BDP1: variants seen among roughly 807,000 people sequenced by gnomAD.
BDP1 encodes BDP1 general transcription factor IIIB subunit.
A neutral mutation model predicts 266.6 loss-of-function variants in BDP1; 169 were observed. The ratio of observed to expected loss-of-function variants is 0.63; its 90% CI spans 0.56 to 0.72. The LOEUF is 0.72. Among genes scored for constraint, BDP1 ranks in the 30% least tolerant of loss-of-function variants. BDP1 has a pLI of 0.00. For synonymous variants in BDP1, 1,090 were observed against 1,022.4 expected, an observed-to-expected ratio of 1.07 and a Z score of -1.26; for missense variants, 3,015 against 3,053.8, an observed-to-expected ratio of 0.99 and a Z score of 0.30.
rs962675506 is a variant in BDP1 at position 71,523,864 on chromosome 5, C to T, written c.5388-75C>T. ...TTTAATGACTGGAACTGGAATTTCA[C>T]TCTAAAAGTTTGGTTTTCATTAAAA... On this transcript the variant is annotated intron_variant, in intron 24 of 38. Coordinates refer to ENST00000358731, the MANE Select transcript of BDP1 (RefSeq NM_018429.3). 5 of 1,393,714 alleles carry T rather than the reference C, an allele frequency of 3.6e-6. No individual in the cohort carries two copies. In the African/African-American group the frequency reaches 7.2e-5, roughly 20 times the overall value. The allele number at this position is 1,393,714 out of a possible 1,614,324, so 86.3% of individuals were successfully genotyped here.
chr5:71,485,487 A>G (rs868023237), intron 8 of BDP1, among the ~76,000 whole-genome samples: 34 of 152,198 alleles, frequency 2.2e-4, no homozygotes, highest in Middle Eastern at 3.2e-3. Context: ...CAACAGTGAA[A>G]TAGGGTCTTC....
At chr5:71,476,517 C>T (rs188301478) in intron 7 of BDP1, among the ~76,000 whole-genome samples, 12 of 149,274 alleles carry the variant, frequency 8.0e-5, no homozygotes, top group Non-Finnish European at 1.3e-4. Context: ...TCCATAGCCC[C>T]AAATAACATG....
chr5:71,535,598 A>AAAAAC (rs1350546758), intron 26 of BDP1, among the ~76,000 whole-genome samples: 2 of 152,200 alleles, frequency 1.3e-5, no homozygotes, highest in African/African-American at 2.4e-5. Context: ...TGGAGATGAG[A>AAAAAC]AAAACAAAAC....
chr5:71,463,948 A>G (rs1489013029), intron 3 of BDP1, 110 bp from the exon 4 acceptor site: 2 of 650,304 alleles, frequency 3.1e-6, no homozygotes, highest in East Asian at 5.8e-5. Context: ...AAATGCTGTG[A>G]TATATCATTA....
At chr5:71,496,852 G>C (rs1472166606) in intron 12 of BDP1, among the ~76,000 whole-genome samples, 1 of 152,144 alleles carries the variant, frequency 6.6e-6, no homozygotes, top group Non-Finnish European at 1.5e-5. Flanking sequence ...CAAAGTGCTG[G>C]GATTATAGGC....
chr5:71,460,515 A>G (rs1468188349), intron 2 of BDP1, among the ~76,000 whole-genome samples: 1 of 152,210 alleles, frequency 6.6e-6, no homozygotes, highest in Non-Finnish European at 1.5e-5. Context: ...TTGGTGCTTT[A>G]TATCTGTTAT....
chr5:71,463,115 A>T (rs1017094601), intron 3 of BDP1, among the ~76,000 whole-genome samples: 19 of 148,774 alleles, frequency 1.3e-4, no homozygotes, highest in Non-Finnish European at 2.2e-4. Context: ...TGTCTCATTT[A>T]AAAAAAAAAT....
At chr5:71,484,231 T>G (rs958558717) in intron 8 of BDP1, among the ~76,000 whole-genome samples, 5 of 152,126 alleles carry the variant, frequency 3.3e-5, no homozygotes, top group Admixed American at 1.3e-4. Flanking sequence ...ATTAGTTATA[T>G]AGATGGTTCT....
intron 3 of BDP1, among the ~76,000 whole-genome samples, 185 bp downstream of exon 3, chr5:71,462,111 C>T (rs909869633): frequency 2.6e-5 from 4 of 151,894 alleles, no homozygotes; most frequent in African/African-American, 9.7e-5. Context: ...TACAGATGCT[C>T]GCCACCACAC....
In BDP1 at chr5:71,525,728, C is replaced by T. The variant is rs186941065; in HGVS notation, c.5772+1405C>T. On this transcript the variant is annotated intron_variant, in intron 25 of 38. Transcript: ENST00000358731. ...CTTCCGGACGGGGCGGCTGGCCAGG[C>T]GGGGGGCTGACCCCCACCTCCCTCC... Among the ~76,000 whole-genome samples the T allele has an allele frequency of 4.9e-3, 689 of 139,702 alleles. 9 individuals carry two copies. The highest frequency in any genetic ancestry group is 0.017 in the African/African-American group (639 of 37,322). 91.6% of individuals were successfully genotyped at this position (139,702 alleles called of 152,430 possible).
intron 35 of BDP1, among the ~76,000 whole-genome samples, chr5:71,554,051 T>C (rs772673331): frequency 5.3e-5 from 8 of 152,232 alleles, no homozygotes; most frequent in Admixed American, 6.5e-5. Context: ...CTCATCATAA[T>C]TTGTAACTAC....
chr5:71,475,584 T>C (rs1024725923), intron 7 of BDP1, among the ~76,000 whole-genome samples: 2 of 152,236 alleles, frequency 1.3e-5, no homozygotes, highest in Admixed American at 1.3e-4. Flanking sequence ...TATCAGGCTG[T>C]ATTCACCCAG....
At chr5:71,525,396 C>T (rs1765751122) in intron 25 of BDP1, among the ~76,000 whole-genome samples, 3 of 124,050 alleles carry the variant, frequency 2.4e-5, no homozygotes, top group Admixed American at 7.8e-5. Flanking sequence ...GGGGGGCTGA[C>T]CCCCCCACCT....
At chr5:71,536,753 C>G (rs1766623451) in intron 26 of BDP1, among the ~76,000 whole-genome samples, 1 of 151,982 alleles carries the variant, frequency 6.6e-6, no homozygotes, top group South Asian at 2.1e-4. Context: ...TCGCCTGGGC[C>G]CAGGAGGTTG....
chr5:71,478,561 C>T (rs757985818), intron 7 of BDP1, among the ~76,000 whole-genome samples: 4 of 151,880 alleles, frequency 2.6e-5, no homozygotes, highest in Non-Finnish European at 2.9e-5. Flanking sequence ...GTCATTGTAT[C>T]GTCTCCTGGC....
intron 10 of BDP1, among the ~76,000 whole-genome samples, chr5:71,490,482 A>C (rs1161487177): frequency 6.6e-6 from 1 of 152,160 alleles, no homozygotes; most frequent in Non-Finnish European, 1.5e-5. Flanking sequence ...TTACTTGCTT[A>C]AGTATTGCAT....
chr5:71,459,785 A>G (rs995229322), intron 2 of BDP1, among the ~76,000 whole-genome samples: 1 of 152,174 alleles, frequency 6.6e-6, no homozygotes, highest in Non-Finnish European at 1.5e-5. Flanking sequence ...CATCTGTAAA[A>G]TAGACCAATA....
intron 4 of BDP1, among the ~76,000 whole-genome samples, chr5:71,464,968 C>T (rs763035224): frequency 2.8e-4 from 42 of 151,948 alleles, no homozygotes; most frequent in African/African-American, 8.5e-4. Context: ...CGGCCCGCCT[C>T]GGCCTCCCAA....
intron 7 of BDP1, among the ~76,000 whole-genome samples, chr5:71,474,170 T>TGGGG (rs1762446002): frequency 6.6e-6 from 1 of 151,340 alleles, no homozygotes; most frequent in Non-Finnish European, 1.5e-5. Context: ...TTAGTAGAGA[T>TGGGG]GGGGTTTCAC....
Sources: gnomAD v4.1 joint callset for allele counts (sites outside exome capture counted in the v4.1 genomes callset) on GRCh38, gnomAD v4.1.1 for gene constraint, MANE v1.5 for transcripts, NCBI Gene and HGNC (gene_info 2026-07-23, HGNC 2026-07-21) for gene names.